Variants in NR3C1 observed in about 807,000 individuals in gnomAD.
The protein encoded by NR3C1 is nuclear receptor subfamily 3 group C member 1, also known as glucocorticoid receptor.
NR3C1 carries 14 observed loss-of-function variants against 74.0 expected under a neutral mutation model. The observed-to-expected ratio is 0.19, with a 90% confidence interval of 0.12 to 0.30. NR3C1 has a LOEUF of 0.30. NR3C1 is among the 10% of genes least tolerant of loss of function. The probability of loss-of-function intolerance (pLI) is 1.00; values close to 1 mark genes in which losing one functional copy is unlikely to be tolerated. For missense variants in NR3C1, 695 were observed against 909.8 expected (o/e 0.76, Z 3.04); for synonymous variants, 308 against 332.5 (o/e 0.93, Z 0.80).
At chr5:143,422,327 TAAG>T (rs1751280171) in intron 1 of NR3C1, among the ~76,000 whole-genome samples, 1 of 152,206 alleles carries the variant, frequency 6.6e-6, no homozygotes, top group Non-Finnish European at 1.5e-5. Context: ...GCATAGTATT[TAAG>T]AACATGACCA....
intron 2 of NR3C1, chr5:143,389,997 A>T: frequency 5.9e-6 from 5 of 843,892 alleles, no homozygotes; most frequent in Non-Finnish European, 7.1e-6. Context: ...AATTCTAAAA[A>T]ATCTAAAGTT....
upstream of NR3C1, chr5:143,403,909 G>C (rs1600649465): frequency 2.0e-6 from 2 of 982,316 alleles, no homozygotes; most frequent in African/African-American, 3.5e-5. Flanking sequence ...TGGCCGCCCC[G>C]CCCGGTGCGC....
chr5:143,340,018 G>A (rs1258176988), intron 2 of NR3C1, among the ~76,000 whole-genome samples: 1 of 152,006 alleles, frequency 6.6e-6, no homozygotes, highest in African/African-American at 2.4e-5. Flanking sequence ...ATGGTCACAG[G>A]ACACAATATT....
intron 2 of NR3C1, among the ~76,000 whole-genome samples, chr5:143,396,835 T>C (rs996998784): frequency 2.0e-5 from 3 of 151,776 alleles, no homozygotes; most frequent in Admixed American, 6.6e-5. Context: ...TAATACCACC[T>C]AAAACCATTT....
chr5:143,282,281 A>C (rs1167062379), intron 8 of NR3C1, among the ~76,000 whole-genome samples: 1 of 152,232 alleles, frequency 6.6e-6, no homozygotes, highest in Non-Finnish European at 1.5e-5. Context: ...TGAAGGGTGC[A>C]TTATTCTAAT....
chr5:143,375,871 A>G (rs1419282367), intron 2 of NR3C1: 2 of 152,236 alleles, frequency 1.3e-5, no homozygotes, highest in Non-Finnish European at 2.9e-5. Flanking sequence ...ATCATGTTAC[A>G]TTCTGAACAG....
At chr5:143,314,413 T>G (rs1044197312) in intron 2 of NR3C1, among the ~76,000 whole-genome samples, 15 of 149,086 alleles carry the variant, frequency 1.0e-4, no homozygotes, top group African/African-American at 3.6e-4. Flanking sequence ...TCTGGTTCAC[T>G]TCTTCTTCTT....
chr5:143,422,154 C>T (rs537572935), intron 1 of NR3C1, among the ~76,000 whole-genome samples: 1 of 152,188 alleles, frequency 6.6e-6, no homozygotes, highest in Non-Finnish European at 1.5e-5. Context: ...CCCATCTTTA[C>T]CTTCCATAGA....
chr5:143,353,265 T>G (rs1322792142), intron 2 of NR3C1, among the ~76,000 whole-genome samples: 1 of 152,216 alleles, frequency 6.6e-6, no homozygotes, highest in Non-Finnish European at 1.5e-5. Context: ...CTTCCTAAAC[T>G]GAAGTGTTGA....
At chr5:143,413,399 G>A (rs1841368745) in intron 1 of NR3C1, among the ~76,000 whole-genome samples, 1 of 151,398 alleles carries the variant, frequency 6.6e-6, no homozygotes, top group Non-Finnish European at 1.5e-5. Context: ...GTCATTTTTT[G>A]GTGCATTTAT....
intron 4 of NR3C1, among the ~76,000 whole-genome samples, chr5:143,303,139 A>C (rs1032520129): frequency 1.3e-5 from 2 of 151,650 alleles, no homozygotes; most frequent in African/African-American, 4.8e-5. Flanking sequence ...AGATCTTCAC[A>C]CTATTACAAG....
chr5:143,348,299 A>G (rs1028810877), intron 2 of NR3C1, among the ~76,000 whole-genome samples: 1 of 152,236 alleles, frequency 6.6e-6, no homozygotes, highest in Admixed American at 6.5e-5. Context: ...AGGTGTTACA[A>G]TAGTACTTTA....
intron 2 of NR3C1, among the ~76,000 whole-genome samples, chr5:143,379,389 G>C (rs566557332): frequency 1.6e-4 from 24 of 152,258 alleles, no homozygotes; most frequent in African/African-American, 4.8e-4. Flanking sequence ...CTGAACCTTT[G>C]TTAGTCTCTA....
chr5:143,435,085 C>T, exon 1 of NR3C1: 1 of 985,404 alleles, frequency 1.0e-6, no homozygotes, highest in Middle Eastern at 5.2e-4. Flanking sequence ...CATGTGAGGT[C>T]TGATGCTGGG....
At chr5:143,428,559 A>G (rs1057338868) in intron 1 of NR3C1, among the ~76,000 whole-genome samples, 1 of 152,146 alleles carries the variant, frequency 6.6e-6, no homozygotes, top group Non-Finnish European at 1.5e-5. Context: ...GGGCTGGCAA[A>G]CTATAGGAAA....
chr5:143,394,856 G>C (rs1328603322), intron 2 of NR3C1, among the ~76,000 whole-genome samples: 1 of 151,726 alleles, frequency 6.6e-6, no homozygotes, highest in Non-Finnish European at 1.5e-5. Context: ...TTAGTTTTCA[G>C]AACTGATCTG....
chr5:143,307,097 C>T (rs1037190349), intron 4 of NR3C1, among the ~76,000 whole-genome samples: 1 of 151,858 alleles, frequency 6.6e-6, no homozygotes, highest in Non-Finnish European at 1.5e-5. Context: ...GGGGTTTCAC[C>T]GTGTTAGCCA....
intron 2 of NR3C1, among the ~76,000 whole-genome samples, chr5:143,338,311 C>T (rs1827544991): frequency 1.3e-5 from 2 of 150,776 alleles, no homozygotes; most frequent in Non-Finnish European, 1.5e-5. Context: ...CTGTATTATA[C>T]TTTTTTCATT....
At chr5:143,331,113 C>G (rs1156781399) in intron 2 of NR3C1, among the ~76,000 whole-genome samples, 1 of 152,072 alleles carries the variant, frequency 6.6e-6, no homozygotes, top group Non-Finnish European at 1.5e-5. Context: ...ACACATAGAC[C>G]AATGCAACAG....
Sources: gnomAD v4.1 joint callset for allele counts (sites outside exome capture counted in the v4.1 genomes callset) on GRCh38, gnomAD v4.1.1 for gene constraint, MANE v1.5 for transcripts, NCBI Gene and HGNC (gene_info 2026-07-23, HGNC 2026-07-21) for gene names.